Variants in TAFA2 observed in about 807,000 individuals in gnomAD.
TAFA2 encodes TAFA chemokine like family member 2.
TAFA2 carries 7 observed loss-of-function variants against 18.8 expected under a neutral mutation model. The ratio of observed to expected loss-of-function variants is 0.37; its 90% CI spans 0.21 to 0.70. The LOEUF (loss-of-function observed/expected upper bound fraction) is 0.70. Among genes scored for constraint, TAFA2 ranks in the 30% least tolerant of loss-of-function variants. TAFA2 has a pLI of 0.53. For missense variants in TAFA2, 122 were observed against 158.1 expected (o/e 0.77, Z 1.23); for synonymous variants, 60 against 54.2 (o/e 1.11, Z -0.47).
intron 1 of TAFA2, among the ~76,000 whole-genome samples, chr12:61,936,113 T>A (rs891959625): frequency 1.3e-5 from 2 of 151,862 alleles, no homozygotes; most frequent in African/African-American, 4.8e-5. Context: ...CAATAACACA[T>A]AAAAAAGATA....
chr12:62,147,349 T>C (rs1458590448), intron 1 of TAFA2, among the ~76,000 whole-genome samples: 5 of 104,992 alleles, frequency 4.8e-5, no homozygotes, highest in African/African-American at 1.6e-4. Flanking sequence ...TATATATATA[T>C]ATATATATAT....
At chr12:62,145,998 C>A (rs1013383033) in intron 1 of TAFA2, among the ~76,000 whole-genome samples, 1 of 152,178 alleles carries the variant, frequency 6.6e-6, no homozygotes, top group Non-Finnish European at 1.5e-5. Context: ...CCTTGCCATG[C>A]CAAATGATGG....
intron 1 of TAFA2, among the ~76,000 whole-genome samples, chr12:61,995,117 C>G (rs1001167512): frequency 6.6e-6 from 1 of 152,136 alleles, no homozygotes; most frequent in African/African-American, 2.4e-5. Flanking sequence ...AGAATAAAAC[C>G]CAACTTCCTT....
intron 2 of TAFA2, among the ~76,000 whole-genome samples, chr12:61,839,044 C>T (rs17125407): frequency 1.3e-5 from 2 of 151,780 alleles, no homozygotes; most frequent in Non-Finnish European, 1.5e-5. Context: ...AGTGCGCAAA[C>T]GGTGGAGTAT....
intron 2 of TAFA2, among the ~76,000 whole-genome samples, chr12:61,761,714 T>C (rs1202929501): frequency 6.6e-6 from 1 of 152,020 alleles, no homozygotes; most frequent in Non-Finnish European, 1.5e-5. Context: ...CAAGATAAAA[T>C]ACTGAGTAAG....
At chr12:61,911,140 AG>A (rs1876594077) in intron 1 of TAFA2, among the ~76,000 whole-genome samples, 3 of 152,206 alleles carry the variant, frequency 2.0e-5, no homozygotes, top group African/African-American at 7.2e-5. Context: ...ATTTAAGATC[AG>A]ATTGAAAAGC....
At chr12:62,148,522 A>G (rs550293717) in intron 1 of TAFA2, among the ~76,000 whole-genome samples, 1 of 152,292 alleles carries the variant, frequency 6.6e-6, no homozygotes, top group Admixed American at 6.5e-5. Flanking sequence ...GTTGGGAACA[A>G]TAAACACTAG....
At chr12:61,740,448 T>C (rs1011017686) in intron 4 of TAFA2, among the ~76,000 whole-genome samples, 1 of 151,570 alleles carries the variant, frequency 6.6e-6, no homozygotes, top group African/African-American at 2.4e-5. Context: ...AACCTGCACG[T>C]TCTGCACATG....
chr12:61,774,562 T>C (rs1245362432), intron 2 of TAFA2, among the ~76,000 whole-genome samples: 1 of 151,764 alleles, frequency 6.6e-6, no homozygotes, highest in East Asian at 1.9e-4. Context: ...GTGAAGTAAC[T>C]CAGGAATGGA....
At chr12:62,035,682 G>A (rs991534545) in intron 1 of TAFA2, among the ~76,000 whole-genome samples, 3 of 150,866 alleles carry the variant, frequency 2.0e-5, no homozygotes, top group Non-Finnish European at 4.4e-5. Flanking sequence ...ACCCTCTAGG[G>A]CAAGGTTTCC....
At chr12:62,036,020 G>A (rs540788402) in intron 1 of TAFA2, among the ~76,000 whole-genome samples, 53 of 152,090 alleles carry the variant, frequency 3.5e-4, no homozygotes, top group African/African-American at 1.3e-3. Flanking sequence ...GATTACAGGC[G>A]TGAGCCACCG....
At chr12:62,039,921 A>T (rs937839024) in intron 1 of TAFA2, among the ~76,000 whole-genome samples, 6 of 152,162 alleles carry the variant, frequency 3.9e-5, no homozygotes, top group African/African-American at 1.4e-4. Context: ...CTCCTAGGTG[A>T]TGCAGATGCT....
At chr12:62,258,939 T>C (rs546147057), upstream of TAFA2, 2 of 180,378 alleles carry the variant, frequency 1.1e-5, no homozygotes, top group South Asian at 1.4e-4. Context: ...GAAATAGCAG[T>C]CACTGAAAGT....
At chr12:62,174,188 C>A (rs532742048) in intron 1 of TAFA2, among the ~76,000 whole-genome samples, 1 of 151,988 alleles carries the variant, frequency 6.6e-6, no homozygotes, top group Non-Finnish European at 1.5e-5. Flanking sequence ...GCTACTCACA[C>A]GCCTGTAGTC....
chr12:62,140,972 G>A (rs983944524), intron 1 of TAFA2, among the ~76,000 whole-genome samples: 1 of 152,166 alleles, frequency 6.6e-6, no homozygotes, highest in Admixed American at 6.5e-5. Flanking sequence ...ATCTTGATCA[G>A]CTTCTCAGGA....
At chr12:62,088,930 A>G (rs34330649) in intron 1 of TAFA2, among the ~76,000 whole-genome samples, 28,087 of 150,038 alleles carry the variant, frequency 0.19, 2,827 homozygotes, top group East Asian at 0.39. Flanking sequence ...GTGTGTGTGC[A>G]CGCGCGCGCA....
At chr12:61,740,482 A>G (rs1396528793) in intron 4 of TAFA2, among the ~76,000 whole-genome samples, 2 of 152,104 alleles carry the variant, frequency 1.3e-5, no homozygotes, top group South Asian at 2.1e-4. Context: ...AAAGTCTAAA[A>G]AAAAAAAGTC....
chr12:61,748,414 G>C (rs6581424), intron 4 of TAFA2, among the ~76,000 whole-genome samples: 56,819 of 151,978 alleles, frequency 0.37, 10,833 homozygotes, highest in African/African-American at 0.46. Flanking sequence ...TGTTAAGAAA[G>C]AGCTGATCAA....
At chr12:62,176,966 C>G (rs894907198) in intron 1 of TAFA2, among the ~76,000 whole-genome samples, 1 of 152,210 alleles carries the variant, frequency 6.6e-6, no homozygotes, top group Non-Finnish European at 1.5e-5. Context: ...TGGCCTTGGT[C>G]AAGCCACTTG....
Sources: gnomAD v4.1 joint callset for allele counts (sites outside exome capture counted in the v4.1 genomes callset) on GRCh38, gnomAD v4.1.1 for gene constraint, MANE v1.5 for transcripts, NCBI Gene and HGNC (gene_info 2026-07-23, HGNC 2026-07-21) for gene names.